DDX39B: variants seen among roughly 807,000 people sequenced by gnomAD.
DDX39B encodes spliceosome RNA helicase DDX39B.
Under a neutral mutation model 46.4 loss-of-function variants are expected in DDX39B, and 6 were observed. That is an observed-to-expected ratio of 0.13 (90% CI 0.07 to 0.26). The LOEUF is 0.26. Among genes scored for constraint, DDX39B ranks in the 10% least tolerant of loss-of-function variants. The pLI is 1.00. For missense variants in DDX39B, 185 were observed against 553.4 expected (o/e 0.33, Z 6.68); for synonymous variants, 174 against 199.4 (o/e 0.87, Z 1.07).
intron 1 of DDX39B, chr6:31,541,035 A>G (rs1407401752): frequency 3.9e-6 from 2 of 508,918 alleles, no homozygotes; most frequent in South Asian, 1.4e-5. Context: ...AGAGTCCTGA[A>G]AAGTCCTCAA....
intron 3 of DDX39B, 43 bp downstream of exon 3, chr6:31,539,104 G>C: frequency 6.2e-7 from 1 of 1,613,310 alleles, no homozygotes. Context: ...TTCCCTTATA[G>C]TCCTAACCAA....
At chr6:31,537,661 G>C (rs754938185) in intron 4 of DDX39B, among the ~76,000 whole-genome samples, 7 of 152,084 alleles carry the variant, frequency 4.6e-5, no homozygotes, top group Non-Finnish European at 1.0e-4. Flanking sequence ...AATAACACCA[G>C]AAACTACTTT....
intron 7 of DDX39B, 57 bp downstream of exon 7, chr6:31,532,723 T>C (rs1767311342): frequency 6.3e-7 from 1 of 1,590,022 alleles, no homozygotes; most frequent in Admixed American, 1.7e-5. Flanking sequence ...AATATCCAGG[T>C]TTCTGCTACA....
At position 31,534,530 on chromosome 6, in the gene DDX39B, A is replaced by T. The variant is rs1272731744; in HGVS notation, c.735+837T>A. 3 of 469,806 alleles carry T rather than the reference A, an allele frequency of 6.4e-6. No homozygotes were observed. Among genetic ancestry groups the T allele is most frequent in the Middle Eastern group, 3.3e-4 (1 of 3,072 alleles). The allele number at this position is 469,806 out of a possible 1,614,324, so 29.1% of individuals were successfully genotyped here. On this transcript the variant is annotated intron_variant, in intron 6 of 10. Transcript: ENST00000396172. The surrounding 1 kb of genome is among the most constrained non-coding windows in gnomAD (Gnocchi z 5.1). ...TCTGAGTATTAAAAAAAACAAAAAA[A>T]TTTTTTTAAGAAAAAAAATCTACCA...
Position 31,536,560 on chromosome 6 carries a change from T to C in DDX39B, c.556A>G (p.Asn186Asp). The change falls in exon 5 of 11, where the codon AAC becomes GAC. Residue 186 changes from asparagine to aspartate, a missense_variant. Physicochemically the swap from Asn to Asp is conservative, Grantham distance 23. Around this residue, in one of 5 missense-constraint regions of DDX39B, gnomAD observed 110 missense variants for 282.2 expected, o/e 0.39. Transcript: ENST00000396172. ...ILALARNKSL[N>D]LKHIKHFILD... ...ATAAAGTGTTTAATGTGTTTGAGGT[T>C]GAGGCTCTTATTTCGAGCCAGGGCT... 1.2e-6 allele frequency: 2 copies of C among 1,613,254 alleles called. No individual in the cohort carries two copies. Among genetic ancestry groups the C allele is most frequent in the Non-Finnish European group, 1.7e-6 (2 of 1,180,024 alleles).
chr6:31,534,619 T>A lies in DDX39B; in HGVS notation c.735+748A>T. The A allele has an allele frequency of 2.6e-6, 1 of 387,230 alleles. No individual in the cohort carries two copies. The highest frequency in any genetic ancestry group is 5.2e-6 in the Non-Finnish European group (1 of 193,228). The allele number at this position is 387,230 out of a possible 1,614,324, so 24.0% of individuals were successfully genotyped here. ...AAACGGGGCACGGCACGCGTTGGGT[T>A]CAGGAAAAAAACCGGGAACGGAAAA... is the stretch of plus-strand genomic sequence containing the variant. On this transcript the variant is annotated intron_variant, in intron 6 of 10. Coordinates refer to ENST00000396172, the MANE Select transcript of DDX39B (RefSeq NM_004640.7). The surrounding 1 kb of genome is among the most constrained non-coding windows in gnomAD (Gnocchi z 5.1).
chr6:31,537,454 C>G (rs1767910987), intron 4 of DDX39B, among the ~76,000 whole-genome samples: 1 of 151,762 alleles, frequency 6.6e-6, no homozygotes, highest in South Asian at 2.1e-4. Flanking sequence ...AAATAAAGGA[C>G]AGCAAGAAAT....
At chr6:31,539,788 A>G (rs1285936772) in intron 2 of DDX39B, among the ~76,000 whole-genome samples, 1 of 152,218 alleles carries the variant, frequency 6.6e-6, no homozygotes, top group Admixed American at 6.5e-5. Flanking sequence ...TACAGGTCCA[A>G]GCAGGACCTT....
Position 31,535,919 on chromosome 6 carries a change from T to C in DDX39B, c.617-434A>G, listed in dbSNP as rs1281695130. ...GACATCCCTACCTGGAGCCCACCTT[T>C]ATAGCTCACCATATAGAATTGCCAA... On this transcript the variant is annotated intron_variant, in intron 5 of 10. Transcript: ENST00000396172. This position sits in a 1 kb window ranked among gnomAD's most constrained non-coding sequence, Gnocchi z 4.6. 1.3e-5 allele frequency among the ~76,000 whole-genome samples: 2 copies of C among 152,206 alleles called. No homozygotes were observed. The highest frequency in any genetic ancestry group is 2.9e-5 in the Non-Finnish European group (2 of 68,022).
intron 3 of DDX39B, 69 bp from the exon 4 acceptor site, chr6:31,538,924 T>C: frequency 6.5e-7 from 1 of 1,547,218 alleles, no homozygotes; most frequent in Non-Finnish European, 8.9e-7. Flanking sequence ...GGGAAGTGAC[T>C]GTCACAAAAA....
intron 6 of DDX39B, 110 bp from the exon 7 acceptor site, chr6:31,533,021 G>T: frequency 1.6e-6 from 1 of 631,100 alleles, no homozygotes; most frequent in Non-Finnish European, 2.9e-6. Context: ...GGATGGGGAG[G>T]AAAGAGAAGA....
Position 31,535,825 on chromosome 6 carries a change from A to G in DDX39B, c.617-340T>C, listed in dbSNP as rs897895087. Among the ~76,000 whole-genome samples, 1 of 152,126 alleles carries G rather than the reference A, an allele frequency of 6.6e-6. No homozygotes were observed. The highest frequency in any genetic ancestry group is 1.5e-5 in the Non-Finnish European group (1 of 68,020). On this transcript the variant is annotated intron_variant, in intron 5 of 10. Coordinates refer to ENST00000396172, the MANE Select transcript of DDX39B (RefSeq NM_004640.7). This position sits in a 1 kb window ranked among gnomAD's most constrained non-coding sequence, Gnocchi z 4.6. ...AGCAGACTACAAATATCAAGCACAT[A>G]TTATATTCCAGATATCAGAGTCCAT... is the stretch of plus-strand genomic sequence containing the variant.
chr6:31,532,599 GC>G, intron 7 of DDX39B, 180 bp downstream of exon 7: 1 of 706,940 alleles, frequency 1.4e-6, no homozygotes, highest in East Asian at 2.9e-5. Context: ...ACCCGTGCCA[GC>G]CATAGAATAG....
In DDX39B at chr6:31,534,349, AG is replaced by A. The variant is rs1653200188; in HGVS notation, c.735+1017del. The A allele has an allele frequency of 2.8e-6, 1 of 356,264 alleles. No homozygotes were observed. 22.1% of individuals were successfully genotyped at this position (356,264 alleles called of 1,614,324 possible). On this transcript the variant is annotated intron_variant, in intron 6 of 10. Transcript: ENST00000396172. This position sits in a 1 kb window ranked among gnomAD's most constrained non-coding sequence, Gnocchi z 5.1. ...CATGGCCTCCTTCAAATCTCATTCTAGCCCCAAATACAGCTAAAGAGTGATC... is the reference window on the plus strand; with the variant it reads ...CATGGCCTCCTTCAAATCTCATTCTACCCCAAATACAGCTAAAGAGTGATC...
rs540029056 is a variant in DDX39B, at chr6:31,534,531, T to A, written c.735+836A>T. On this transcript the variant is annotated intron_variant, in intron 6 of 10. Transcript: ENST00000396172. The surrounding 1 kb of genome is among the most constrained non-coding windows in gnomAD (Gnocchi z 5.1). ...CTGAGTATTAAAAAAAACAAAAAAA[T>A]TTTTTTAAGAAAAAAAATCTACCAC... 69 of 469,370 alleles carry A rather than the reference T, an allele frequency of 1.5e-4. 1 individual carries two copies. Among genetic ancestry groups the A allele is most frequent in the African/African-American group, 8.4e-4 (42 of 49,836 alleles). The allele number at this position is 469,370 out of a possible 1,614,324, so 29.1% of individuals were successfully genotyped here.
chr6:31,540,361 G>A lies in DDX39B; in HGVS notation c.172C>T (p.Arg58Trp), dbSNP rs776349707. ...TCAAAGCCACAGTCGACAATGGCCC[G>A]GAGCAACTCTGGCTTGAGCAGGAAG... is the stretch of plus-strand genomic sequence containing the variant. Reference protein sequence around the residue: ...RDFLLKPELLRAIVDCGFEHP... With the variant: ...RDFLLKPELLWAIVDCGFEHP... The change falls in exon 2 of 11, where the codon CGG becomes TGG. Residue 58 changes from arginine to tryptophan, a missense_variant. Arg to Trp is a moderately radical substitution (Grantham distance 101). Around this residue, in one of 5 missense-constraint regions of DDX39B, gnomAD observed 18 missense variants for 120.1 expected, o/e 0.15. Coordinates refer to ENST00000396172, the MANE Select transcript of DDX39B (RefSeq NM_004640.7). The A allele has an allele frequency of 1.9e-6, 3 of 1,614,192 alleles. No individual in the cohort carries two copies. Among genetic ancestry groups the A allele is most frequent in the East Asian group, 2.2e-5 (1 of 44,882 alleles).
At position 31,540,674 on chromosome 6, in the gene DDX39B, GGA is replaced by G. The variant is rs1768308230; in HGVS notation, c.-132-12_-132-11del. The stretch of plus-strand genomic sequence containing the variant: ...ATTTCTAACAGAAGAGCTGGAGGGG[GGA>G]AAAAAAAAAGCAAGACTTAATCACG... On this transcript the variant is annotated splice_polypyrimidine_tract_variant and intron_variant, in intron 1 of 10. Coordinates refer to ENST00000396172, the MANE Select transcript of DDX39B (RefSeq NM_004640.7). 2 of 670,226 alleles carry G rather than the reference GGA, an allele frequency of 3.0e-6. No homozygotes were observed. Among genetic ancestry groups the G allele is most frequent in the Non-Finnish European group, 2.3e-6 (1 of 434,118 alleles). 41.5% of individuals were successfully genotyped at this position (670,226 alleles called of 1,614,324 possible).
rs200088153 is a variant in DDX39B at position 31,530,742 on chromosome 6, G to A, written c.1270+37C>T. 5.6e-6 allele frequency: 9 copies of A among 1,602,412 alleles called. No individual in the cohort carries two copies. Among genetic ancestry groups the A allele is most frequent in the Non-Finnish European group, 7.7e-6 (9 of 1,175,864 alleles). Reference sequence around the variant, plus strand: ...TTTCGGACAAACACACTAAGGAACAGGGAGGACCTAAAGGGTTTCATGAGA... The same window carrying A: ...TTTCGGACAAACACACTAAGGAACAAGGAGGACCTAAAGGGTTTCATGAGA... On this transcript the variant is annotated intron_variant, in intron 10 of 10. Coordinates refer to ENST00000396172, the MANE Select transcript of DDX39B (RefSeq NM_004640.7). This position sits in a 1 kb window ranked among gnomAD's most constrained non-coding sequence, Gnocchi z 4.5.
At position 31,535,517 on chromosome 6, in the gene DDX39B, A is replaced by C; in HGVS notation, c.617-32T>G. The C allele has an allele frequency of 1.3e-6, 2 of 1,566,630 alleles. No homozygotes were observed. The highest frequency in any genetic ancestry group is 2.2e-5 in the South Asian group (2 of 89,932). ...GAACAAGGAAAAAAATTGTAGGAGA[A>C]AATAAGCAGGTATGATAAACAAAGA... On this transcript the variant is annotated intron_variant, in intron 5 of 10. Transcript: ENST00000396172. This position sits in a 1 kb window ranked among gnomAD's most constrained non-coding sequence, Gnocchi z 4.6.
Sources: allele counts gnomAD v4.1 joint callset (sites outside exome capture counted in the v4.1 genomes callset), GRCh38; gene constraint gnomAD v4.1.1; regional missense constraint gnomAD v4.1.1; non-coding constraint Gnocchi (gnomAD v3.1); transcripts MANE v1.5; gene names NCBI Gene and HGNC (gene_info 2026-07-23, HGNC 2026-07-21).